The following KNL1 variants were observed in gnomAD, a reference collection of about 807,000 sequenced individuals.
KNL1 encodes kinetochore scaffold 1.
In KNL1, 66 loss-of-function variants were observed where a neutral mutation model predicts 201.3. The ratio of observed to expected loss-of-function variants is 0.33; its 90% CI spans 0.27 to 0.40. The LOEUF is 0.40. Ranked by LOEUF, KNL1 falls within the 10% of genes least tolerant of loss-of-function variation. KNL1 has a pLI of 1.00. For missense variants in KNL1, 2,815 were observed against 2,690.5 expected, an observed-to-expected ratio of 1.05 and a Z score of -1.02; for synonymous variants, 895 against 899.2, an observed-to-expected ratio of 1.00 and a Z score of 0.08.
At chr15:40,640,090 TTTCTTTTC>T (rs1893180279) in intron 13 of KNL1, among the ~76,000 whole-genome samples, 1 of 150,284 alleles carries the variant, frequency 6.7e-6, no homozygotes, top group Admixed American at 6.6e-5. Flanking sequence ...TTTTTCTTTT[TTTCTTTTC>T]TTTTTTTTTT....
Position 40,622,790 on chromosome 15 carries a change from G to A in KNL1, c.2526G>A (p.Lys842=), listed in dbSNP as rs530623764. The A allele has an allele frequency of 1.8e-5, 29 of 1,612,874 alleles. 1 individual carries two copies. In the South Asian group the frequency reaches 3.2e-4, roughly 18 times the overall value. The part of the protein sequence containing the change: ...SVQKPKFPKE[K]QNVKIWGRKS... ...AGAAACCTAAATTTCCAAAGGAAAA[G>A]CAAAATGTCAAAATTTGGGGAAGGA... Residue 842 remains lysine (K), a synonymous_variant, in exon 10 of 26, where the codon AAG becomes AAA. Transcript: ENST00000399668.
At position 40,662,377 on chromosome 15, in the gene KNL1, T is replaced by A; in HGVS notation, c.*189T>A. ...GGTGATGAAGTCTGGATGGTAGGCC[T>A]CATAGCCTACTATCAACTTACTCAT... On this transcript the variant is annotated 3_prime_UTR_variant, in exon 26 of 26. Transcript: ENST00000399668. The A allele has an allele frequency of 4.0e-6, 2 of 503,344 alleles. No homozygotes were observed. The highest frequency in any genetic ancestry group is 7.1e-6 in the Non-Finnish European group (2 of 282,376). The allele number at this position is 503,344 out of a possible 1,614,324, so 31.2% of individuals were successfully genotyped here. A position where few individuals can be genotyped will look rare whatever the true frequency, so the allele number is the denominator to read the frequency against.
intron 9 of KNL1, among the ~76,000 whole-genome samples, chr15:40,619,573 G>C (rs1892449657): frequency 6.6e-6 from 1 of 150,932 alleles, no homozygotes; most frequent in Non-Finnish European, 1.5e-5. Flanking sequence ...AGCTAATTTT[G>C]TTCATTTTTT....
intron 1 of KNL1, among the ~76,000 whole-genome samples, chr15:40,600,679 TGTG>T (rs1395972914): frequency 6.6e-6 from 1 of 152,246 alleles, no homozygotes; most frequent in African/African-American, 2.4e-5. Context: ...AATTTAGTGT[TGTG>T]GTGGAAATGC....
chr15:40,645,210 T>G (rs541154416), intron 15 of KNL1, 123 bp downstream of exon 15: 59 of 621,508 alleles, frequency 9.5e-5, no homozygotes, highest in Non-Finnish European at 1.5e-4. Flanking sequence ...TTAAGTGTAA[T>G]GTGGTACCAA....
Position 40,623,822 on chromosome 15 carries a change from C to A in KNL1, c.3558C>A (p.Asn1186Lys). 2 of 1,613,202 alleles carry A rather than the reference C, an allele frequency of 1.2e-6. No homozygotes were observed. Among genetic ancestry groups the A allele is most frequent in the Non-Finnish European group, 1.7e-6 (2 of 1,179,726 alleles). ...CQATEKILEE[N>K]PKFGIGKGKN... is the part of the protein sequence containing the mutation. ...CCACAGAGAAAATACTTGAAGAAAACCCTAAATTTGGAATAGGAAAAGGAA... is the reference window on the plus strand; with the variant it reads ...CCACAGAGAAAATACTTGAAGAAAAACCTAAATTTGGAATAGGAAAAGGAA... The change falls in exon 10 of 26, where the codon AAC becomes AAA. Residue 1186 changes from asparagine (N) to lysine (K), a missense_variant. Asn to Lys is a moderately conservative substitution (Grantham distance 94, BLOSUM62 0). This residue lies in a region of KNL1 where 2,464 missense variants were observed against 2,291.7 expected (regional missense o/e 1.08). Transcript: ENST00000399668.
At chr15:40,650,649 C>CAGT in intron 19 of KNL1, 66 bp downstream of exon 19, 1 of 1,370,054 alleles carries the variant, frequency 7.3e-7, no homozygotes, top group Non-Finnish European at 9.8e-7. Flanking sequence ...TGACTTCCTG[C>CAGT]CTCCAGAGAC....
chr15:40,632,835 C>T (rs948963767), intron 13 of KNL1, among the ~76,000 whole-genome samples: 2 of 152,072 alleles, frequency 1.3e-5, no homozygotes, highest in African/African-American at 4.8e-5. Flanking sequence ...GCCTGGGCAA[C>T]ATAGTGAGAC....
intron 19 of KNL1, among the ~76,000 whole-genome samples, 170 bp from the exon 20 acceptor site, chr15:40,651,301 A>T (rs1893554338): frequency 2.0e-5 from 3 of 151,976 alleles, no homozygotes; most frequent in Admixed American, 1.3e-4. Flanking sequence ...TATATAAAAA[A>T]AAAAAAAAAA....
chr15:40,655,038 C>G, intron 22 of KNL1, 61 bp downstream of exon 22: 1 of 1,316,796 alleles, frequency 7.6e-7, no homozygotes, highest in Non-Finnish European at 1.1e-6. Context: ...TGGCTCATGC[C>G]TTTAATCCCA....
At chr15:40,659,486 G>T (rs1441265505) in intron 25 of KNL1, 25 bp downstream of exon 25, 8 of 1,596,674 alleles carry the variant, frequency 5.0e-6, no homozygotes, top group Non-Finnish European at 6.8e-6. Flanking sequence ...AACAGGGTAA[G>T]ACTCTGGGCT....
chr15:40,654,923 C>T lies in KNL1; in HGVS notation c.6430C>T (p.Leu2144=). Residue 2144 remains leucine, a synonymous_variant, in exon 22 of 26, where the codon CTG becomes TTG. Coordinates refer to ENST00000399668, the MANE Select transcript of KNL1 (RefSeq NM_144508.5). ...FEESVVGFPF[L]DKRYRKIVDV... The stretch of plus-strand genomic sequence containing the variant: ...GTTCTTTCTAGTTGGTTTCCCTTTC[C>T]TGGACAAGCGTTATAGGAAGATTGT... 1.2e-6 allele frequency: 2 copies of T among 1,612,394 alleles called. No homozygotes were observed. The highest frequency in any genetic ancestry group is 1.3e-5 in the African/African-American group (1 of 75,016).
At chr15:40,640,490 T>G (rs1018099058) in intron 13 of KNL1, among the ~76,000 whole-genome samples, 2 of 152,118 alleles carry the variant, frequency 1.3e-5, no homozygotes, top group East Asian at 1.9e-4. Flanking sequence ...TGCCTTATTT[T>G]ATAATTGGAG....
intron 17 of KNL1, among the ~76,000 whole-genome samples, chr15:40,648,551 TTC>T (rs1479276722): frequency 2.6e-5 from 4 of 152,224 alleles, no homozygotes; most frequent in Admixed American, 6.5e-5. Context: ...GCTCAATACT[TTC>T]ATTGTCTTTG....
chr15:40,619,355 A>AAAAT (rs1555420095), intron 9 of KNL1, among the ~76,000 whole-genome samples: 4 of 146,124 alleles, frequency 2.7e-5, no homozygotes, highest in African/African-American at 1.0e-4. Context: ...CACACAGTGT[A>AAAAT]ATATATATAT....
At chr15:40,633,368 A>G (rs555085858) in intron 13 of KNL1, among the ~76,000 whole-genome samples, 3 of 152,074 alleles carry the variant, frequency 2.0e-5, no homozygotes, top group East Asian at 1.9e-4. Context: ...GCCTAGTGAC[A>G]TTGTAATGTA....
intron 21 of KNL1, among the ~76,000 whole-genome samples, chr15:40,652,567 C>A (rs927420772): frequency 6.7e-6 from 1 of 149,454 alleles, no homozygotes; most frequent in Non-Finnish European, 1.5e-5. Context: ...GTCAGGAGTT[C>A]GAAACCGGCC....
intron 13 of KNL1, among the ~76,000 whole-genome samples, chr15:40,639,609 A>G (rs955383936): frequency 1.3e-5 from 2 of 151,826 alleles, no homozygotes; most frequent in South Asian, 4.2e-4. Flanking sequence ...GGAAAAAAAA[A>G]ATTTTTTTTA....
Position 40,645,769 on chromosome 15 carries a change from T to C in KNL1, c.6003T>C (p.Ala2001=). 1 of 1,541,932 alleles carries C rather than the reference T, an allele frequency of 6.5e-7. No individual in the cohort carries two copies. Among genetic ancestry groups the C allele is most frequent in the Non-Finnish European group, 8.9e-7 (1 of 1,126,728 alleles). Residue 2001 remains alanine, a synonymous_variant, in exon 16 of 26, where the codon GCT becomes GCC. Coordinates refer to ENST00000399668, the MANE Select transcript of KNL1 (RefSeq NM_144508.5). ...TGTATGGCAAGCTGGTGCAGTCAGC[T>C]CAGGTAATTTGAGACAGTTAATATC... ...VALYGKLVQS[A]QNEREKLQIK... is the part of the protein sequence containing the mutation.
Sources: allele counts gnomAD v4.1 joint callset (sites outside exome capture counted in the v4.1 genomes callset), GRCh38; gene constraint gnomAD v4.1.1; regional missense constraint gnomAD v4.1.1; transcripts MANE v1.5; gene names NCBI Gene and HGNC (gene_info 2026-07-23, HGNC 2026-07-21).